ERGIC2: variants seen among roughly 807,000 people sequenced by gnomAD.
ERGIC2 encodes ERGIC and golgi 2, also known as endoplasmic reticulum-Golgi intermediate compartment protein 2.
In ERGIC2, 31 loss-of-function variants were observed where a neutral mutation model predicts 52.5. That is an observed-to-expected ratio of 0.59 (90% confidence interval 0.44 to 0.80). The LOEUF is 0.80. ERGIC2 is among the 30% of genes least tolerant of loss of function. ERGIC2 has a pLI of 0.00. For missense variants in ERGIC2, 395 were observed against 455.2 expected (o/e 0.87, Z 1.20); for synonymous variants, 129 against 140.6 (o/e 0.92, Z 0.58).
chr12:29,364,487 A>T (rs932404313), intron 5 of ERGIC2, among the ~76,000 whole-genome samples: 11 of 152,040 alleles, frequency 7.2e-5, no homozygotes, highest in African/African-American at 2.4e-4. Context: ...ATGACCTTAA[A>T]CTATAAGAAT....
chr12:29,378,050 G>A (rs1940537985), intron 1 of ERGIC2, among the ~76,000 whole-genome samples: 1 of 152,116 alleles, frequency 6.6e-6, no homozygotes, highest in African/African-American at 2.4e-5. Context: ...CTCAACCTCT[G>A]GTATCTATGA....
At chr12:29,343,678 A>G (rs1301433797) in intron 11 of ERGIC2, among the ~76,000 whole-genome samples, 1 of 152,138 alleles carries the variant, frequency 6.6e-6, no homozygotes, top group Non-Finnish European at 1.5e-5. Context: ...TACGTAGGGC[A>G]TTACAAAACT....
At chr12:29,345,714 G>A (rs1335125852) in intron 10 of ERGIC2, among the ~76,000 whole-genome samples, 174 bp from the exon 11 acceptor site, 3 of 152,158 alleles carry the variant, frequency 2.0e-5, no homozygotes, top group South Asian at 4.1e-4. Flanking sequence ...GGGAGTTCAA[G>A]AACAGTCTCG....
chr12:29,350,798 G>C (rs1940120332), intron 8 of ERGIC2, among the ~76,000 whole-genome samples: 2 of 152,060 alleles, frequency 1.3e-5, no homozygotes. Context: ...ATATATTCAA[G>C]TATGAGAATG....
At chr12:29,362,974 C>T (rs945384724) in intron 5 of ERGIC2, among the ~76,000 whole-genome samples, 4 of 152,128 alleles carry the variant, frequency 2.6e-5, no homozygotes, top group African/African-American at 9.7e-5. Context: ...AATTCCAAAA[C>T]CTTCTTTGTA....
chr12:29,337,536 A>AT lies in ERGIC2; in HGVS notation c.*3619dup, dbSNP rs1165528296. 1 of 152,160 alleles carries AT rather than the reference A, an allele frequency of 6.6e-6. No individual in the cohort carries two copies. Among genetic ancestry groups the AT allele is most frequent in the Non-Finnish European group, 1.5e-5 (1 of 68,038 alleles). The allele number at this position is 152,160 out of a possible 1,614,324, so 9.4% of individuals were successfully genotyped here. On this transcript the variant is annotated 3_prime_UTR_variant, in exon 14 of 14. Transcript: ENST00000360150. ...TATGCTTTGATTGCATCATCACAAT[A>AT]TGGGGGGGATACATGGATCTTGATC...
intron 4 of ERGIC2, 111 bp from the exon 5 acceptor site, chr12:29,367,058 A>C (rs1281476052): frequency 2.0e-6 from 1 of 511,536 alleles, no homozygotes; most frequent in South Asian, 3.6e-5. Flanking sequence ...AAAAAAAAAA[A>C]AAAAACCTCA....
In ERGIC2 at chr12:29,337,909, C is replaced by T. The variant is rs555014417; in HGVS notation, c.*3247G>A. On this transcript the variant is annotated 3_prime_UTR_variant, in exon 14 of 14. Coordinates refer to ENST00000360150, the MANE Select transcript of ERGIC2 (RefSeq NM_016570.3). The stretch of plus-strand genomic sequence containing the variant: ...TTAGATCTGTCCAGGGGCAGTGGCT[C>T]ATGCCTGTAATCCCAACACTTTGGG... The T allele has an allele frequency of 1.1e-4, 17 of 152,420 alleles. No homozygotes were observed. The highest frequency in any genetic ancestry group is 3.4e-4 in the African/African-American group (14 of 41,568). The allele number at this position is 152,420 out of a possible 1,614,324, so 9.4% of individuals were successfully genotyped here. A position where few individuals can be genotyped will look rare whatever the true frequency, so the allele number is the denominator to read the frequency against.
At chr12:29,375,357 T>G (rs565542659) in intron 1 of ERGIC2, among the ~76,000 whole-genome samples, 1 of 152,316 alleles carries the variant, frequency 6.6e-6, no homozygotes, top group South Asian at 2.1e-4. Flanking sequence ...CGAACAGGTA[T>G]TCAATATTTA....
At chr12:29,364,596 A>G (rs114057376) in intron 5 of ERGIC2, among the ~76,000 whole-genome samples, 3,163 of 152,232 alleles carry the variant, frequency 0.021, 94 homozygotes, top group African/African-American at 0.062. Context: ...ACAAAAATTG[A>G]AAAGTGGGAG....
chr12:29,346,390 A>G (rs1332890249), intron 10 of ERGIC2, among the ~76,000 whole-genome samples: 4 of 151,542 alleles, frequency 2.6e-5, no homozygotes, highest in African/African-American at 7.3e-5. Flanking sequence ...GGGTTTTGCC[A>G]TGTCGCCCAG....
chr12:29,368,118 C>A, intron 4 of ERGIC2, 123 bp downstream of exon 4: 2 of 653,194 alleles, frequency 3.1e-6, no homozygotes, highest in Non-Finnish European at 5.4e-6. Flanking sequence ...TAAATAATAC[C>A]ACAGTAAAAC....
At chr12:29,343,960 CTT>C (rs907186049) in intron 11 of ERGIC2, among the ~76,000 whole-genome samples, 2 of 151,998 alleles carry the variant, frequency 1.3e-5, no homozygotes, top group African/African-American at 4.8e-5. Context: ...TTACTCCATT[CTT>C]TTTTAAGTTA....
Position 29,343,258 on chromosome 12 carries a change from C to T in ERGIC2, c.850G>A (p.Gly284Ser), listed in dbSNP as rs772517406. ...AATATCCCAGAGACTCCATGGCTGC[C>T]TGCAGCATGGTTAATGATACGTTCC... is the stretch of plus-strand genomic sequence containing the variant. ...ERERIINHAA[G>S]SHGVSGIFMK... Residue 284 changes from glycine (G) to serine (S), a missense_variant, in exon 12 of 14, where the codon GGC becomes AGC. Physicochemically the swap from Gly to Ser is moderately conservative, Grantham distance 56. Transcript: ENST00000360150. 2 of 1,597,482 alleles carry T rather than the reference C, an allele frequency of 1.3e-6. No individual in the cohort carries two copies. The highest frequency in any genetic ancestry group is 1.7e-6 in the Non-Finnish European group (2 of 1,170,844).
At chr12:29,371,198 C>G (rs1940435336) in intron 2 of ERGIC2, among the ~76,000 whole-genome samples, 1 of 151,868 alleles carries the variant, frequency 6.6e-6, no homozygotes, top group Non-Finnish European at 1.5e-5. Flanking sequence ...TAGTATGATC[C>G]CTATTTCATG....
chr12:29,370,890 T>C (rs1366660076), intron 2 of ERGIC2, among the ~76,000 whole-genome samples: 1 of 152,050 alleles, frequency 6.6e-6, no homozygotes, highest in Non-Finnish European at 1.5e-5. Context: ...ATACTTAAAA[T>C]AGATTTTGCA....
chr12:29,370,914 T>A (rs1419701258), intron 2 of ERGIC2, among the ~76,000 whole-genome samples: 1 of 152,122 alleles, frequency 6.6e-6, no homozygotes, highest in Non-Finnish European at 1.5e-5. Flanking sequence ...ACTTGCACTA[T>A]TTTCATTAAC....
At chr12:29,372,509 T>C (rs1940455929) in intron 1 of ERGIC2, 2 of 152,192 alleles carry the variant, frequency 1.3e-5, no homozygotes, top group African/African-American at 2.4e-5. Flanking sequence ...GAATTTATCC[T>C]ATGACAATAA....
chr12:29,354,045 A>G (rs1255844372), intron 8 of ERGIC2, among the ~76,000 whole-genome samples: 1 of 152,106 alleles, frequency 6.6e-6, no homozygotes, highest in Non-Finnish European at 1.5e-5. Context: ...AGGGGTTGCT[A>G]TTGGGATTTA....
Sources: gnomAD v4.1 joint callset for allele counts (sites outside exome capture counted in the v4.1 genomes callset) on GRCh38, gnomAD v4.1.1 for gene constraint, MANE v1.5 for transcripts, NCBI Gene and HGNC (gene_info 2026-07-23, HGNC 2026-07-21) for gene names.